Variants in ITPR2 observed in about 807,000 individuals in gnomAD.
ITPR2 encodes the protein inositol 1,4,5-trisphosphate receptor type 2.
ITPR2 carries 207 observed loss-of-function variants against 317.1 expected under a neutral mutation model. The ratio of observed to expected loss-of-function variants is 0.65; its 90% CI spans 0.58 to 0.73. ITPR2 has a LOEUF of 0.73. Ranked by LOEUF, ITPR2 falls within the 30% of genes least tolerant of loss-of-function variation. The pLI, the probability that ITPR2 is intolerant of heterozygous loss-of-function variation, is 0.00. For synonymous variants in ITPR2, 1,156 were observed against 1,149.1 expected (o/e 1.01, Z -0.12); for missense variants, 2,613 against 3,284.0 (o/e 0.80, Z 4.99).
At chr12:26,360,850 C>G (rs1350562945) in intron 55 of ITPR2, among the ~76,000 whole-genome samples, 1 of 152,058 alleles carries the variant, frequency 6.6e-6, no homozygotes, top group Non-Finnish European at 1.5e-5. Context: ...TTTAAAAATA[C>G]ATTGTAATCA....
At chr12:26,522,805 T>C (rs1050932008) in intron 37 of ITPR2, among the ~76,000 whole-genome samples, 8 of 152,002 alleles carry the variant, frequency 5.3e-5, no homozygotes, top group Non-Finnish European at 8.8e-5. Flanking sequence ...GAGAAGATTT[T>C]CAAAGAATAG....
intron 9 of ITPR2, among the ~76,000 whole-genome samples, chr12:26,703,304 G>A (rs527409052): frequency 6.6e-6 from 1 of 152,330 alleles, no homozygotes; most frequent in East Asian, 1.9e-4. Context: ...ATGTCCCAGA[G>A]ATTGAGTTAA....
intron 35 of ITPR2, among the ~76,000 whole-genome samples, chr12:26,561,189 G>A (rs1358046216): frequency 1.3e-5 from 2 of 152,178 alleles, no homozygotes; most frequent in African/African-American, 4.8e-5. Flanking sequence ...AGTCCACCAT[G>A]TGCAAGCCCA....
At chr12:26,373,750 AAGCAAAAAAT>A (rs1214419128) in intron 55 of ITPR2, 1 of 152,220 alleles carries the variant, frequency 6.6e-6, no homozygotes, top group African/African-American at 2.4e-5. Context: ...ATTATTTCTA[AAGCAAAAAAT>A]ATGTGCTTTA....
chr12:26,518,734 T>A (rs1264651676), intron 37 of ITPR2, among the ~76,000 whole-genome samples: 1 of 152,170 alleles, frequency 6.6e-6, no homozygotes, highest in Non-Finnish European at 1.5e-5. Context: ...TTTAAATTTT[T>A]AAAATTTAAC....
chr12:26,786,822 T>C (rs1950261420), intron 2 of ITPR2, among the ~76,000 whole-genome samples: 1 of 152,220 alleles, frequency 6.6e-6, no homozygotes. Context: ...AAAATTAATT[T>C]GAGAATATCA....
intron 54 of ITPR2, among the ~76,000 whole-genome samples, chr12:26,392,361 C>G (rs1939877574): frequency 6.6e-6 from 1 of 152,176 alleles, no homozygotes; most frequent in Non-Finnish European, 1.5e-5. Context: ...CATCATTCGC[C>G]AAATACACCA....
Position 26,580,252 on chromosome 12 carries a change from A to G in ITPR2, c.4381-97T>C, listed in dbSNP as rs906047185. On this transcript the variant is annotated intron_variant, in intron 32 of 56. Transcript: ENST00000381340. ...TAAAAATTGTCCTGAAATAGTTGTC[A>G]GTAACATTTCTTCTGCTTTTTAAAG... 1.1e-5 allele frequency: 12 copies of G among 1,084,754 alleles called. No individual in the cohort carries two copies. In the African/African-American group the frequency reaches 1.7e-4, roughly 16 times the overall value. 67.2% of individuals were successfully genotyped at this position (1,084,754 alleles called of 1,614,324 possible).
chr12:26,651,795 T>C (rs1218252372), intron 21 of ITPR2, among the ~76,000 whole-genome samples: 1 of 152,216 alleles, frequency 6.6e-6, no homozygotes, highest in Non-Finnish European at 1.5e-5. Flanking sequence ...AGTCATGAAG[T>C]GCAGTTTCTT....
chr12:26,652,321 C>T (rs1210597065), intron 21 of ITPR2, among the ~76,000 whole-genome samples: 1 of 152,232 alleles, frequency 6.6e-6, no homozygotes, highest in Non-Finnish European at 1.5e-5. Flanking sequence ...GTTCAATTGG[C>T]TTCTTATTGA....
At chr12:26,528,775 T>C (rs1364935650) in intron 37 of ITPR2, among the ~76,000 whole-genome samples, 1 of 152,210 alleles carries the variant, frequency 6.6e-6, no homozygotes, top group Admixed American at 6.5e-5. Context: ...AGTAATTCCA[T>C]GGCTAACTAA....
rs574804352 is a variant in ITPR2, at chr12:26,669,660, C to T, written c.1410-3609G>A. The stretch of plus-strand genomic sequence containing the variant: ...ATTTCTGCATTTCCATCTGAGGTAC[C>T]GGGTTCATCTCACTAGGGAGTGCCA... On this transcript the variant is annotated intron_variant, in intron 13 of 56. Transcript: ENST00000381340. 5.4e-4 allele frequency among the ~76,000 whole-genome samples: 82 copies of T among 152,292 alleles called. 4 individuals carry two copies. The East Asian group carries it at 0.015, about 28-fold the overall frequency.
chr12:26,621,528 G>A (rs1030096060), intron 25 of ITPR2, among the ~76,000 whole-genome samples: 2 of 152,018 alleles, frequency 1.3e-5, no homozygotes, highest in African/African-American at 4.8e-5. Context: ...ATTTTTCTGA[G>A]ACTCTGTTTG....
At chr12:26,584,465 A>G (rs777235264) in intron 32 of ITPR2, among the ~76,000 whole-genome samples, 8 of 152,118 alleles carry the variant, frequency 5.3e-5, no homozygotes, top group Non-Finnish European at 1.2e-4. Context: ...TCTAGATACA[A>G]TTGTGTCTGA....
chr12:26,464,242 C>T (rs1032171286), intron 45 of ITPR2, among the ~76,000 whole-genome samples: 4 of 152,116 alleles, frequency 2.6e-5, no homozygotes, highest in Admixed American at 6.5e-5. Flanking sequence ...ACTATTATTA[C>T]GTACTCACCA....
chr12:26,495,363 G>T, intron 37 of ITPR2, 103 bp from the exon 38 acceptor site: 1 of 614,798 alleles, frequency 1.6e-6, no homozygotes, highest in Non-Finnish European at 2.7e-6. Flanking sequence ...TGATGTTGAG[G>T]CATGGAAAAA....
At chr12:26,468,568 G>GAAAAAAA (rs5797177) in intron 45 of ITPR2, among the ~76,000 whole-genome samples, 1 of 139,890 alleles carries the variant, frequency 7.1e-6, no homozygotes. Flanking sequence ...TATAGAAACA[G>GAAAAAAA]AAAAAAAAAA....
intron 10 of ITPR2, among the ~76,000 whole-genome samples, chr12:26,694,617 A>C (rs1948301819): frequency 6.6e-6 from 1 of 152,204 alleles, no homozygotes; most frequent in African/African-American, 2.4e-5. Flanking sequence ...ACAAGCTTAT[A>C]GTAAGAACCA....
intron 37 of ITPR2, among the ~76,000 whole-genome samples, chr12:26,515,922 C>T (rs1273404328): frequency 2.0e-5 from 3 of 148,082 alleles, no homozygotes; most frequent in African/African-American, 5.0e-5. Flanking sequence ...CCAGCCTGAG[C>T]AACATGGAAA....
Sources: gnomAD v4.1 joint callset for allele counts (sites outside exome capture counted in the v4.1 genomes callset) on GRCh38, gnomAD v4.1.1 for gene constraint, MANE v1.5 for transcripts, NCBI Gene and HGNC (gene_info 2026-07-23, HGNC 2026-07-21) for gene names.